TAFA1: variants seen among roughly 807,000 people sequenced by gnomAD.
TAFA1 encodes the protein chemokine-like protein TAFA-1.
Under a neutral mutation model 18.5 loss-of-function variants are expected in TAFA1, and 4 were observed. The observed-to-expected ratio is 0.22, with a 90% CI of 0.11 to 0.49. The LOEUF (loss-of-function observed/expected upper bound fraction) is 0.49. TAFA1 is among the 20% of genes least tolerant of loss of function. The probability of loss-of-function intolerance (pLI) is 0.98; values close to 1 mark genes in which losing one functional copy is unlikely to be tolerated. For missense variants in TAFA1, 147 were observed against 169.0 expected, an observed-to-expected ratio of 0.87 and a Z score of 0.72; for synonymous variants, 56 against 55.2, an observed-to-expected ratio of 1.01 and a Z score of -0.06.
chr3:68,279,282 G>T (rs2067854116), intron 2 of TAFA1, among the ~76,000 whole-genome samples: 1 of 152,064 alleles, frequency 6.6e-6, no homozygotes, highest in Non-Finnish European at 1.5e-5. Flanking sequence ...TTTGGGGAGG[G>T]GTCCAGGAAT....
At chr3:68,233,263 T>G (rs2066892731) in intron 2 of TAFA1, among the ~76,000 whole-genome samples, 1 of 152,204 alleles carries the variant, frequency 6.6e-6, no homozygotes. Flanking sequence ...GTTCCTTATT[T>G]GATAAATAGT....
At chr3:68,050,608 G>T (rs948868985) in intron 2 of TAFA1, among the ~76,000 whole-genome samples, 7 of 152,128 alleles carry the variant, frequency 4.6e-5, no homozygotes, top group African/African-American at 1.7e-4. Context: ...ATTGTCCTCA[G>T]CAGAGCCTTA....
intron 2 of TAFA1, among the ~76,000 whole-genome samples, chr3:68,279,325 G>C (rs1420193786): frequency 6.6e-6 from 1 of 152,008 alleles, no homozygotes; most frequent in African/African-American, 2.4e-5. Context: ...GCCAACCTTG[G>C]AGCCCAGGTA....
chr3:68,172,581 A>G (rs572970896), intron 2 of TAFA1, among the ~76,000 whole-genome samples: 2 of 152,324 alleles, frequency 1.3e-5, no homozygotes, highest in South Asian at 4.1e-4. Flanking sequence ...TGTTTACAGC[A>G]GCATAATTCA....
At chr3:68,237,216 A>T (rs2066937965) in intron 2 of TAFA1, among the ~76,000 whole-genome samples, 2 of 152,186 alleles carry the variant, frequency 1.3e-5, no homozygotes, top group South Asian at 4.1e-4. Context: ...TCTGGTTCAC[A>T]GATGGTGTCT....
intron 2 of TAFA1, among the ~76,000 whole-genome samples, chr3:68,064,648 A>C (rs1162754315): frequency 6.6e-6 from 1 of 152,116 alleles, no homozygotes; most frequent in Non-Finnish European, 1.5e-5. Flanking sequence ...AGCATACATT[A>C]ATATTTTATT....
At chr3:68,081,893 C>T (rs777915128) in intron 2 of TAFA1, among the ~76,000 whole-genome samples, 2 of 152,188 alleles carry the variant, frequency 1.3e-5, no homozygotes, top group East Asian at 1.9e-4. Context: ...TGGGCAATGG[C>T]GGGCGCCCCT....
intron 3 of TAFA1, among the ~76,000 whole-genome samples, chr3:68,502,190 T>C (rs2072669298): frequency 6.6e-6 from 1 of 152,176 alleles, no homozygotes; most frequent in Non-Finnish European, 1.5e-5. Flanking sequence ...GGTTGCTTCA[T>C]AGCAAGGGCA....
intron 3 of TAFA1, among the ~76,000 whole-genome samples, chr3:68,514,254 C>A (rs886072590): frequency 1.3e-5 from 2 of 152,120 alleles, no homozygotes; most frequent in Non-Finnish European, 2.9e-5. Flanking sequence ...ATTAAAATGG[C>A]CTTTGAACTG....
At chr3:68,087,774 T>A (rs972575671) in intron 2 of TAFA1, among the ~76,000 whole-genome samples, 2 of 152,176 alleles carry the variant, frequency 1.3e-5, no homozygotes, top group Non-Finnish European at 2.9e-5. Context: ...TAAATATACC[T>A]CTACTTCATG....
chr3:68,224,059 G>A (rs2066766026), intron 2 of TAFA1, among the ~76,000 whole-genome samples: 1 of 150,768 alleles, frequency 6.6e-6, no homozygotes, highest in South Asian at 2.1e-4. Context: ...GAAACTGCTA[G>A]TATTTGGTGG....
At chr3:68,205,041 T>C (rs2066510077) in intron 2 of TAFA1, among the ~76,000 whole-genome samples, 1 of 151,866 alleles carries the variant, frequency 6.6e-6, no homozygotes, top group South Asian at 2.1e-4. Context: ...ACCTTGAATG[T>C]AATGTGTTGG....
intron 2 of TAFA1, 154 bp from the exon 3 acceptor site, chr3:68,417,126 C>T (rs763190672): frequency 4.1e-5 from 25 of 611,896 alleles, no homozygotes; most frequent in Middle Eastern, 4.4e-4. Context: ...TGTGATTACA[C>T]GTAGTAGAAG....
rs142062313 is a variant in TAFA1 at position 68,131,328 on chromosome 3, C to T, written c.118+124584C>T. On this transcript the variant is annotated intron_variant, in intron 2 of 4. Transcript: ENST00000478136. Reference sequence around the variant, plus strand: ...GAACACACAGACACACGCACACGCACGCACACACACACATAAGAGGAGAGC... The same window carrying T: ...GAACACACAGACACACGCACACGCATGCACACACACACATAAGAGGAGAGC... 2.5e-3 allele frequency among the ~76,000 whole-genome samples: 375 copies of T among 152,206 alleles called. 1 individual carries two copies. Among genetic ancestry groups the T allele is most frequent in the Non-Finnish European group, 4.3e-3 (291 of 68,022 alleles).
At chr3:68,509,887 C>A (rs576557249) in intron 3 of TAFA1, among the ~76,000 whole-genome samples, 1 of 152,220 alleles carries the variant, frequency 6.6e-6, no homozygotes, top group East Asian at 1.9e-4. Context: ...GAACTGGATC[C>A]ATTTTGCTGA....
At chr3:68,176,008 C>G (rs1434925493) in intron 2 of TAFA1, among the ~76,000 whole-genome samples, 1 of 152,138 alleles carries the variant, frequency 6.6e-6, no homozygotes, top group Admixed American at 6.5e-5. Flanking sequence ...TATCCCTGCA[C>G]AAGCTTTTTC....
At chr3:68,463,176 T>C (rs34327552) in intron 3 of TAFA1, among the ~76,000 whole-genome samples, 22,214 of 152,148 alleles carry the variant, frequency 0.15, 1,820 homozygotes, top group Non-Finnish European at 0.18. Context: ...TCTATCCAAG[T>C]TGACACATTG....
At chr3:68,278,674 G>A (rs2067839851) in intron 2 of TAFA1, among the ~76,000 whole-genome samples, 3 of 152,072 alleles carry the variant, frequency 2.0e-5, no homozygotes, top group Admixed American at 2.0e-4. Flanking sequence ...GTGTCCCCTT[G>A]CACCTTTTCT....
chr3:68,386,604 A>G (rs754427511), intron 2 of TAFA1, among the ~76,000 whole-genome samples: 2 of 152,094 alleles, frequency 1.3e-5, no homozygotes, highest in Non-Finnish European at 2.9e-5. Flanking sequence ...CTTTTTTGAC[A>G]ACTATCCTTC....
Sources: gnomAD v4.1 joint callset for allele counts (sites outside exome capture counted in the v4.1 genomes callset) on GRCh38, gnomAD v4.1.1 for gene constraint, MANE v1.5 for transcripts, NCBI Gene and HGNC (gene_info 2026-07-23, HGNC 2026-07-21) for gene names.